The following FBXL7 variants were observed in gnomAD, a reference collection of about 807,000 sequenced individuals.
The protein encoded by FBXL7 is F-box and leucine rich repeat protein 7, also known as F-box/LRR-repeat protein 7.
In FBXL7, 12 loss-of-function variants were observed where a neutral mutation model predicts 38.3. That is an observed-to-expected ratio of 0.31 (90% CI 0.20 to 0.51). The LOEUF is 0.51. FBXL7 is among the 20% of genes least tolerant of loss of function. The pLI is 0.98. For missense variants in FBXL7, 567 were observed against 676.4 expected (o/e 0.84, Z 1.79); for synonymous variants, 297 against 300.9 (o/e 0.99, Z 0.13).
intron 2 of FBXL7, among the ~76,000 whole-genome samples, chr5:15,648,864 C>A (rs1015919947): frequency 1.3e-5 from 2 of 151,568 alleles, no homozygotes; most frequent in African/African-American, 4.9e-5. Flanking sequence ...TCAGACTGTG[C>A]TCTTCGGTGT....
rs756056779 is a variant in FBXL7 at position 15,939,119 on chromosome 5, T to G, written c.*1933T>G. The G allele has an allele frequency of 1.8e-4, 72 of 398,810 alleles. No homozygotes were observed. Among genetic ancestry groups the G allele is most frequent in the Non-Finnish European group, 3.5e-5 (8 of 226,030 alleles). The allele number at this position is 398,810 out of a possible 1,614,324, so 24.7% of individuals were successfully genotyped here. A position where few individuals can be genotyped will look rare whatever the true frequency, so the allele number is the denominator to read the frequency against. ...ATGAGGTGGTGTCTGCCCAGGAGGT[T>G]TCTTTCAAACATCATGGCCTCCCAT... On this transcript the variant is annotated 3_prime_UTR_variant, in exon 4 of 4. Coordinates refer to ENST00000504595, the MANE Select transcript of FBXL7 (RefSeq NM_012304.5).
intron 1 of FBXL7, among the ~76,000 whole-genome samples, chr5:15,539,170 A>C (rs1737667891): frequency 6.6e-6 from 1 of 152,212 alleles, no homozygotes; most frequent in Non-Finnish European, 1.5e-5. Flanking sequence ...AATGGCAATA[A>C]AAATGCAACA....
At chr5:15,615,267 A>G (rs1378027185) in intron 1 of FBXL7, among the ~76,000 whole-genome samples, 2 of 152,188 alleles carry the variant, frequency 1.3e-5, no homozygotes, top group African/African-American at 2.4e-5. Flanking sequence ...CCTTGGTACC[A>G]TTGACATTTG....
intron 2 of FBXL7, among the ~76,000 whole-genome samples, chr5:15,620,129 A>G (rs902032704): frequency 4.6e-5 from 7 of 152,164 alleles, no homozygotes; most frequent in African/African-American, 1.4e-4. Context: ...AATTTAGTAA[A>G]AAGCATTGAA....
rs139044597 is a variant in FBXL7, at chr5:15,804,045, T to C, written c.128-123845T>C. On this transcript the variant is annotated intron_variant, in intron 2 of 3. Transcript: ENST00000504595. ...GGATTCTTACAACCACATACTGTTA[T>C]TTATGACTGTCCCTTCTGACCCAAA... Among the ~76,000 whole-genome samples, 880 of 152,318 alleles carry C rather than the reference T, an allele frequency of 5.8e-3. 13 individuals carry two copies. Among genetic ancestry groups the C allele is most frequent in the African/African-American group, 0.021 (853 of 41,574 alleles).
At chr5:15,635,214 G>A (rs538916481) in intron 2 of FBXL7, among the ~76,000 whole-genome samples, 2 of 152,286 alleles carry the variant, frequency 1.3e-5, no homozygotes, top group Admixed American at 6.5e-5. Context: ...GGACAGGCTG[G>A]TCTAGAGGGC....
At chr5:15,715,406 G>T (rs548481376) in intron 2 of FBXL7, among the ~76,000 whole-genome samples, 1 of 149,016 alleles carries the variant, frequency 6.7e-6, no homozygotes, top group Admixed American at 6.8e-5. Context: ...CAGAAGAATC[G>T]CTTGAACCTG....
intron 2 of FBXL7, among the ~76,000 whole-genome samples, chr5:15,686,713 G>A (rs1490656332): frequency 6.6e-6 from 1 of 152,164 alleles, no homozygotes; most frequent in Non-Finnish European, 1.5e-5. Context: ...GACTGTTTTT[G>A]TTCCTGTATC....
intron 1 of FBXL7, among the ~76,000 whole-genome samples, chr5:15,609,653 C>T (rs184444441): frequency 9.0e-4 from 137 of 152,332 alleles, no homozygotes; most frequent in Admixed American, 1.8e-3. Context: ...CCCCAACAGA[C>T]TTTCCTTGAC....
intron 1 of FBXL7, among the ~76,000 whole-genome samples, chr5:15,528,214 A>C (rs899830389): frequency 1.3e-5 from 2 of 152,174 alleles, no homozygotes; most frequent in Non-Finnish European, 2.9e-5. Context: ...GATTATCTAC[A>C]GGGAAACTTC....
chr5:15,719,104 C>G (rs1189955739), intron 2 of FBXL7, among the ~76,000 whole-genome samples: 3 of 152,300 alleles, frequency 2.0e-5, no homozygotes, highest in African/African-American at 7.2e-5. Context: ...TAAAAGAATT[C>G]ACACATTTCT....
At chr5:15,826,189 C>T (rs959749014) in intron 2 of FBXL7, among the ~76,000 whole-genome samples, 2 of 152,136 alleles carry the variant, frequency 1.3e-5, no homozygotes, top group South Asian at 2.1e-4. Flanking sequence ...CAGTTCTTTT[C>T]GAAGTCTTTA....
At chr5:15,657,285 A>G (rs1289002652) in intron 2 of FBXL7, among the ~76,000 whole-genome samples, 1 of 152,166 alleles carries the variant, frequency 6.6e-6, no homozygotes, top group African/African-American at 2.4e-5. Context: ...ATGTTGCCCT[A>G]CTTTAGTAGG....
chr5:15,574,833 G>C (rs576102643), intron 1 of FBXL7, among the ~76,000 whole-genome samples: 1 of 152,170 alleles, frequency 6.6e-6, no homozygotes, highest in Non-Finnish European at 1.5e-5. Context: ...ATTATGGAAA[G>C]TAAGAAAACA....
At chr5:15,752,504 C>CATTTT (rs1736180926) in intron 2 of FBXL7, among the ~76,000 whole-genome samples, 2 of 152,102 alleles carry the variant, frequency 1.3e-5, no homozygotes, top group African/African-American at 4.8e-5. Context: ...TTTCTCAGTG[C>CATTTT]ATTTTATTTT....
At chr5:15,502,319 C>T (rs1046011151) in intron 1 of FBXL7, among the ~76,000 whole-genome samples, 1 of 145,262 alleles carries the variant, frequency 6.9e-6, no homozygotes, top group African/African-American at 2.5e-5. Flanking sequence ...TCCCAGCATT[C>T]TCGTATTGTG....
intron 2 of FBXL7, among the ~76,000 whole-genome samples, chr5:15,735,193 A>G (rs1735714358): frequency 1.3e-5 from 2 of 152,230 alleles, no homozygotes; most frequent in South Asian, 2.1e-4. Context: ...TTGGCCTCCC[A>G]AAGTGCTGGG....
chr5:15,519,998 T>G (rs1737054599), intron 1 of FBXL7, among the ~76,000 whole-genome samples: 1 of 152,168 alleles, frequency 6.6e-6, no homozygotes, highest in African/African-American at 2.4e-5. Flanking sequence ...ATTTTTATGG[T>G]TATTTCTTGA....
chr5:15,939,071 T>C lies in FBXL7; in HGVS notation c.*1885T>C. ...CTCCTGTGCATACTGTCGTCTTCTG[T>C]GGGGGATGGAGAGGTTAGTGTGATG... On this transcript the variant is annotated 3_prime_UTR_variant, in exon 4 of 4. Coordinates refer to ENST00000504595, the MANE Select transcript of FBXL7 (RefSeq NM_012304.5). 1 of 398,948 alleles carries C rather than the reference T, an allele frequency of 2.5e-6. No individual in the cohort carries two copies. The highest frequency in any genetic ancestry group is 4.4e-6 in the Non-Finnish European group (1 of 226,036). 24.7% of individuals were successfully genotyped at this position (398,948 alleles called of 1,614,324 possible).
Sources: allele counts gnomAD v4.1 joint callset (sites outside exome capture counted in the v4.1 genomes callset), GRCh38; gene constraint gnomAD v4.1.1; transcripts MANE v1.5; gene names NCBI Gene and HGNC (gene_info 2026-07-23, HGNC 2026-07-21).